The following SPATA18 variants were observed in gnomAD, a reference collection of about 807,000 sequenced individuals.
The protein encoded by SPATA18 is spermatogenesis associated 18, also known as mitochondria-eating protein.
In SPATA18, 54 loss-of-function variants were observed where a neutral mutation model predicts 68.1. The ratio of observed to expected loss-of-function variants is 0.79; its 90% CI spans 0.64 to 0.99. SPATA18 has a LOEUF of 0.99. Among genes scored for constraint, SPATA18 ranks in the 50% least tolerant of loss-of-function variants. The pLI is 0.00. For missense variants in SPATA18, 724 were observed against 681.1 expected, an observed-to-expected ratio of 1.06 and a Z score of -0.70; for synonymous variants, 242 against 244.8, an observed-to-expected ratio of 0.99 and a Z score of 0.11.
chr4:52,051,616 G>C lies in SPATA18; in HGVS notation c.-89G>C. 1 of 1,228,112 alleles carries C rather than the reference G, an allele frequency of 8.1e-7. No homozygotes were observed. Among genetic ancestry groups the C allele is most frequent in the Non-Finnish European group, 1.2e-6 (1 of 831,348 alleles). The allele number at this position is 1,228,112 out of a possible 1,614,324, so 76.1% of individuals were successfully genotyped here. The stretch of plus-strand genomic sequence containing the variant: ...CCCCCCAGAAGAGAACACCCTTCCC[G>C]CCATATCACCCCACGGTCCTGCGGA... On this transcript the variant is annotated 5_prime_UTR_variant, in exon 1 of 13. Transcript: ENST00000295213.
At chr4:52,078,915 A>G in intron 8 of SPATA18, 22 bp downstream of exon 8, 1 of 1,543,678 alleles carries the variant, frequency 6.5e-7, no homozygotes, top group Non-Finnish European at 8.8e-7. Flanking sequence ...GTCTTTTATT[A>G]GGACTGGTTT....
At chr4:52,073,733 G>C (rs1436068776) in intron 6 of SPATA18, among the ~76,000 whole-genome samples, 3 of 152,224 alleles carry the variant, frequency 2.0e-5, no homozygotes, top group African/African-American at 7.2e-5. Flanking sequence ...ATTGAGCCAA[G>C]GGATTTTTGG....
chr4:52,052,471 C>T (rs1185831829), intron 1 of SPATA18, among the ~76,000 whole-genome samples: 2 of 152,148 alleles, frequency 1.3e-5, no homozygotes, highest in Non-Finnish European at 2.9e-5. Context: ...ACCCTGCCTC[C>T]CCATAATTCC....
intron 4 of SPATA18, 148 bp downstream of exon 4, chr4:52,062,480 G>A: frequency 1.7e-6 from 1 of 605,568 alleles, no homozygotes; most frequent in East Asian, 2.8e-5. Flanking sequence ...GGGCATGTGT[G>A]TATGACAGAG....
chr4:52,077,058 G>A lies in SPATA18; in HGVS notation c.1020+18G>A, dbSNP rs1740434590. Reference sequence around the variant, plus strand: ...CCACAGTGGTATGTGACGCCTGCGGGACTCCCGGCTCCTTAGGGCAGCCGG... The same window carrying A: ...CCACAGTGGTATGTGACGCCTGCGGAACTCCCGGCTCCTTAGGGCAGCCGG... On this transcript the variant is annotated intron_variant, in intron 7 of 12. Transcript: ENST00000295213. 1 of 1,579,018 alleles carries A rather than the reference G, an allele frequency of 6.3e-7. No homozygotes were observed. The highest frequency in any genetic ancestry group is 8.6e-7 in the Non-Finnish European group (1 of 1,161,138).
At chr4:52,070,882 G>T (rs756263679) in intron 5 of SPATA18, among the ~76,000 whole-genome samples, 3 of 54,538 alleles carry the variant, frequency 5.5e-5, no homozygotes, top group Non-Finnish European at 1.1e-4. Flanking sequence ...AGAGTAAGTG[G>T]GGGGGGGGGT....
intron 11 of SPATA18, among the ~76,000 whole-genome samples, chr4:52,085,290 T>C (rs1173700485): frequency 2.0e-5 from 3 of 152,184 alleles, no homozygotes; most frequent in Non-Finnish European, 4.4e-5. Flanking sequence ...GATCAGATAG[T>C]GGACTGAAGA....
At chr4:52,060,597 T>C (rs750757528) in intron 2 of SPATA18, 73 bp downstream of exon 2, 379 of 1,453,792 alleles carry the variant, frequency 2.6e-4, no homozygotes, top group Non-Finnish European at 3.6e-4. Flanking sequence ...TTTTGTGTTC[T>C]TTGACTGTTG....
At chr4:52,062,181 AGAC>A (rs1738916142) in intron 3 of SPATA18, 36 bp from the exon 4 acceptor site, 6 of 1,195,086 alleles carry the variant, frequency 5.0e-6, no homozygotes, top group Non-Finnish European at 7.1e-6. Context: ...TAATGTATTC[AGAC>A]TGTTTTTTTT....
intron 1 of SPATA18, among the ~76,000 whole-genome samples, 200 bp downstream of exon 1, chr4:52,051,991 C>T (rs1052111787): frequency 1.3e-5 from 2 of 152,182 alleles, no homozygotes; most frequent in Non-Finnish European, 2.9e-5. Flanking sequence ...CTCAGAGCTT[C>T]GGGAGGCGGC....
intron 10 of SPATA18, among the ~76,000 whole-genome samples, chr4:52,083,663 T>G (rs1173068608): frequency 2.6e-5 from 4 of 151,888 alleles, no homozygotes; most frequent in African/African-American, 9.7e-5. Context: ...GAGGATTGCT[T>G]GAGCTGGAGA....
intron 4 of SPATA18, among the ~76,000 whole-genome samples, chr4:52,064,098 G>T (rs952011857): frequency 4.6e-5 from 7 of 151,804 alleles, no homozygotes; most frequent in Admixed American, 1.3e-4. Context: ...CAGCAAATCT[G>T]CTAGAATAGC....
In SPATA18 at chr4:52,079,795, G is replaced by T; in HGVS notation, c.1231G>T (p.Val411Phe). 1.2e-6 allele frequency: 2 copies of T among 1,613,950 alleles called. No individual in the cohort carries two copies. Among genetic ancestry groups the T allele is most frequent in the Non-Finnish European group, 1.7e-6 (2 of 1,179,920 alleles). The change falls in exon 9 of 13, where the codon GTT becomes TTT. Residue 411 changes from valine (V) to phenylalanine (F), a missense_variant. Physicochemically the swap from Val to Phe is conservative, Grantham distance 50. Coordinates refer to ENST00000295213, the MANE Select transcript of SPATA18 (RefSeq NM_145263.4). ...TCCCAAGATTTCATTCCCTCCTGTCGTTGACTTTTGCCTTCTCAGTGACTT... is the reference window on the plus strand; with the variant it reads ...TCCCAAGATTTCATTCCCTCCTGTCTTTGACTTTTGCCTTCTCAGTGACTT... ...VNPKISFPPV[V>F]DFCLLSDFIQ...
intron 9 of SPATA18, among the ~76,000 whole-genome samples, 160 bp from the exon 10 acceptor site, chr4:52,082,227 C>T (rs528168696): frequency 6.6e-6 from 1 of 152,170 alleles, no homozygotes; most frequent in African/African-American, 2.4e-5. Flanking sequence ...ATCATTAGTT[C>T]CTATTCTAAG....
At chr4:52,079,719 A>G in intron 8 of SPATA18, 25 bp from the exon 9 acceptor site, 1 of 1,611,700 alleles carries the variant, frequency 6.2e-7, no homozygotes, top group Non-Finnish European at 8.5e-7. Context: ...CTGGTAACAA[A>G]GTGATGCCAT....
intron 4 of SPATA18, among the ~76,000 whole-genome samples, chr4:52,062,685 A>G (rs572998130): frequency 6.6e-6 from 1 of 152,206 alleles, no homozygotes; most frequent in African/African-American, 2.4e-5. Context: ...AAATTTTTAA[A>G]AAGATGTGAA....
In SPATA18 at chr4:52,072,137, A is replaced by G; in HGVS notation, c.739A>G (p.Lys247Glu). The G allele has an allele frequency of 6.2e-7, 1 of 1,614,104 alleles. No homozygotes were observed. The highest frequency in any genetic ancestry group is 8.5e-7 in the Non-Finnish European group (1 of 1,180,012). ...GGAGATAGCTGTTCTGTCTGCTGAGAAAAGTGCACTCCAAGGAAGGTCAGA... is the reference window on the plus strand; with the variant it reads ...GGAGATAGCTGTTCTGTCTGCTGAGGAAAGTGCACTCCAAGGAAGGTCAGA... ...KEEIAVLSAE[K>E]SALQGRSSRS... Residue 247 changes from lysine (K) to glutamate (E), a missense_variant, in exon 6 of 13, where the codon AAA becomes GAA. Transcript: ENST00000295213.
chr4:52,082,650 T>C, intron 10 of SPATA18, 140 bp downstream of exon 10: 1 of 1,548,858 alleles, frequency 6.5e-7, no homozygotes, highest in Non-Finnish European at 8.7e-7. Flanking sequence ...TCGGAGATGA[T>C]CTCAAGAAGA....
chr4:52,079,195 T>C (rs185125598), intron 8 of SPATA18, among the ~76,000 whole-genome samples: 35 of 152,242 alleles, frequency 2.3e-4, no homozygotes, highest in African/African-American at 8.0e-4. Context: ...GCTTCCTGAC[T>C]CTGACACTTA....
Sources: gnomAD v4.1 joint callset for allele counts (sites outside exome capture counted in the v4.1 genomes callset) on GRCh38, gnomAD v4.1.1 for gene constraint, MANE v1.5 for transcripts, NCBI Gene and HGNC (gene_info 2026-07-23, HGNC 2026-07-21) for gene names.